Variants in RBFOX1 observed in about 807,000 individuals in gnomAD.
RBFOX1 encodes RNA binding fox-1 homolog 1.
RBFOX1 carries 8 observed loss-of-function variants against 57.7 expected under a neutral mutation model. The observed-to-expected ratio is 0.14, with a 90% CI of 0.08 to 0.25. RBFOX1 has a LOEUF of 0.25. Among genes scored for constraint, RBFOX1 ranks in the 10% least tolerant of loss-of-function variants. The pLI is 1.00. For synonymous variants in RBFOX1, 326 were observed against 222.4 expected (o/e 1.47, Z -4.15); for missense variants, 611 against 548.5 (o/e 1.11, Z -1.14).
chr16:6,069,156 T>C (rs1192838777), intron 1 of RBFOX1, among the ~76,000 whole-genome samples: 7 of 152,006 alleles, frequency 4.6e-5, no homozygotes, highest in Admixed American at 4.6e-4. Flanking sequence ...CCCAGCACTT[T>C]GGGAGGCCGA....
intron 1 of RBFOX1, among the ~76,000 whole-genome samples, chr16:6,185,614 CAG>C (rs2097100314): frequency 6.6e-6 from 1 of 152,184 alleles, no homozygotes; most frequent in Admixed American, 6.5e-5. Context: ...CCAATGTACA[CAG>C]AGCATTTAAA....
At chr16:6,676,557 A>G (rs1306395130) in intron 3 of RBFOX1, among the ~76,000 whole-genome samples, 2 of 152,062 alleles carry the variant, frequency 1.3e-5, no homozygotes, top group Admixed American at 6.6e-5. Context: ...ATTTACCCCT[A>G]TCAATATGTA....
intron 2 of RBFOX1, among the ~76,000 whole-genome samples, chr16:5,514,642 C>A (rs569024490): frequency 6.6e-6 from 1 of 151,932 alleles, no homozygotes; most frequent in Non-Finnish European, 1.5e-5. Context: ...GCAAACAAAA[C>A]GGATGCACAT....
intron 4 of RBFOX1, among the ~76,000 whole-genome samples, chr16:7,450,766 G>C (rs543224917): frequency 6.6e-6 from 1 of 152,242 alleles, no homozygotes; most frequent in South Asian, 2.1e-4. Context: ...TTGAGGAGGA[G>C]GAACCAGTGA....
chr16:7,282,076 C>G (rs1331149271), intron 4 of RBFOX1, among the ~76,000 whole-genome samples: 2 of 151,972 alleles, frequency 1.3e-5, no homozygotes, highest in South Asian at 4.2e-4. Context: ...TATTTGTTGC[C>G]CAAGCTCAAC....
intron 1 of RBFOX1, among the ~76,000 whole-genome samples, chr16:6,166,783 G>A (rs534660978): frequency 2.0e-5 from 3 of 151,596 alleles, no homozygotes; most frequent in South Asian, 2.1e-4. Context: ...GTTTTGTTTT[G>A]TTTTTTTTGA....
intron 1 of RBFOX1, among the ~76,000 whole-genome samples, chr16:6,126,747 A>T (rs2152658567): frequency 6.6e-6 from 1 of 152,292 alleles, no homozygotes. Flanking sequence ...CATAACATTC[A>T]CATAATAGTC....
intron 1 of RBFOX1, among the ~76,000 whole-genome samples, chr16:5,319,210 G>C (rs1450402294): frequency 6.6e-6 from 1 of 152,336 alleles, no homozygotes; most frequent in Non-Finnish European, 1.5e-5. Context: ...GAGATTCGAA[G>C]CATAAGTACT....
intron 1 of RBFOX1, among the ~76,000 whole-genome samples, chr16:6,072,470 A>G (rs1309740608): frequency 1.3e-5 from 2 of 152,176 alleles, no homozygotes; most frequent in African/African-American, 2.4e-5. Context: ...TGTACCCAGA[A>G]GTCGGATTGC....
intron 1 of RBFOX1, among the ~76,000 whole-genome samples, chr16:6,299,219 C>G (rs1338911429): frequency 6.6e-6 from 1 of 152,226 alleles, no homozygotes; most frequent in East Asian, 1.9e-4. Flanking sequence ...GCCCCACAAA[C>G]TCATCTGAAA....
chr16:6,177,982 T>C (rs1005401988), intron 1 of RBFOX1, among the ~76,000 whole-genome samples: 11 of 151,920 alleles, frequency 7.2e-5, no homozygotes, highest in African/African-American at 2.2e-4. Flanking sequence ...TTTAACATTT[T>C]GGATACTTTC....
intron 2 of RBFOX1, among the ~76,000 whole-genome samples, chr16:6,442,496 G>T (rs1470320363): frequency 6.6e-6 from 1 of 151,918 alleles, no homozygotes; most frequent in Non-Finnish European, 1.5e-5. Flanking sequence ...AGCGGAGGTT[G>T]CAGTGAGCTG....
chr16:6,923,273 C>A (rs904729777), intron 3 of RBFOX1, among the ~76,000 whole-genome samples: 1 of 152,136 alleles, frequency 6.6e-6, no homozygotes, highest in African/African-American at 2.4e-5. Context: ...GTGGCTCATG[C>A]CTATAATCCC....
chr16:6,373,679 G>C (rs2090791815), intron 2 of RBFOX1, among the ~76,000 whole-genome samples: 1 of 152,136 alleles, frequency 6.6e-6, no homozygotes, highest in Non-Finnish European at 1.5e-5. Flanking sequence ...TTGGATGGAA[G>C]AATGGTTTTC....
intron 3 of RBFOX1, among the ~76,000 whole-genome samples, chr16:5,660,363 G>A (rs1227069544): frequency 6.6e-6 from 1 of 152,202 alleles, no homozygotes; most frequent in Non-Finnish European, 1.5e-5. Flanking sequence ...TTAGCTGGTA[G>A]AGTCCGGTGA....
intron 4 of RBFOX1, among the ~76,000 whole-genome samples, chr16:7,380,331 T>C (rs1284260041): frequency 1.3e-5 from 2 of 152,240 alleles, no homozygotes; most frequent in Non-Finnish European, 2.9e-5. Flanking sequence ...AATAATTGTT[T>C]AGTACATACC....
intron 4 of RBFOX1, among the ~76,000 whole-genome samples, chr16:6,000,516 T>G (rs1345238306): frequency 2.0e-5 from 3 of 152,148 alleles, no homozygotes; most frequent in Non-Finnish European, 2.9e-5. Flanking sequence ...GCCACTCTCT[T>G]GTACGCAAAA....
chr16:6,322,181 A>G (rs1269163842), intron 2 of RBFOX1, among the ~76,000 whole-genome samples: 1 of 152,180 alleles, frequency 6.6e-6, no homozygotes, highest in African/African-American at 2.4e-5. Context: ...TTACTTACGT[A>G]TCTGGGAATT....
chr16:6,854,192 T>G (rs2057370639), intron 3 of RBFOX1, among the ~76,000 whole-genome samples: 1 of 152,132 alleles, frequency 6.6e-6, no homozygotes, highest in Non-Finnish European at 1.5e-5. Context: ...TTTCTGGGGT[T>G]TAGACAGAGC....
Sources: gnomAD v4.1 joint callset for allele counts (sites outside exome capture counted in the v4.1 genomes callset) on GRCh38, gnomAD v4.1.1 for gene constraint, MANE v1.5 for transcripts, NCBI Gene and HGNC (gene_info 2026-07-23, HGNC 2026-07-21) for gene names.